Variants in CSMD1 observed in about 807,000 individuals in gnomAD.
The protein encoded by CSMD1 is CUB and sushi domain-containing protein 1.
Under a neutral mutation model 417.5 loss-of-function variants are expected in CSMD1, and 213 were observed. The observed-to-expected ratio is 0.51, with a 90% confidence interval of 0.46 to 0.57. CSMD1 has a LOEUF of 0.57. Among genes scored for constraint, CSMD1 ranks in the 20% least tolerant of loss-of-function variants. The pLI is 0.00. For missense variants in CSMD1, 6,923 were observed against 4,529.7 expected (o/e 1.53, Z -15.17); for synonymous variants, 2,862 against 1,736.8 (o/e 1.65, Z -16.11).
At chr8:3,218,367 C>T (rs1460660470) in intron 29 of CSMD1, among the ~76,000 whole-genome samples, 1 of 151,478 alleles carries the variant, frequency 6.6e-6, no homozygotes, top group African/African-American at 2.4e-5. Context: ...CGAGATCATC[C>T]TGGCTAACAC....
intron 25 of CSMD1, among the ~76,000 whole-genome samples, chr8:3,303,966 G>A (rs548494795): frequency 1.3e-4 from 17 of 131,936 alleles, no homozygotes; most frequent in African/African-American, 4.3e-4. Context: ...TAACTATTTT[G>A]GGGTATTCGA....
chr8:4,255,578 C>A (rs1803397503), intron 3 of CSMD1, among the ~76,000 whole-genome samples: 1 of 152,134 alleles, frequency 6.6e-6, no homozygotes, highest in African/African-American at 2.4e-5. Context: ...TTTTCTAAGA[C>A]ACAGAAATCT....
intron 3 of CSMD1, among the ~76,000 whole-genome samples, chr8:4,166,677 G>A (rs953623176): frequency 3.3e-5 from 5 of 152,030 alleles, no homozygotes; most frequent in African/African-American, 7.3e-5. Flanking sequence ...GGTGATGGGT[G>A]CACCAAAATC....
At chr8:4,794,651 C>G (rs1797875310) in intron 1 of CSMD1, among the ~76,000 whole-genome samples, 2 of 152,194 alleles carry the variant, frequency 1.3e-5, no homozygotes, top group Admixed American at 1.3e-4. Flanking sequence ...CCCATTGTCC[C>G]CATACCTTCT....
At chr8:3,932,213 C>G (rs920574626) in intron 5 of CSMD1, among the ~76,000 whole-genome samples, 1 of 150,412 alleles carries the variant, frequency 6.6e-6, no homozygotes, top group Non-Finnish European at 1.5e-5. Context: ...GGTCCCATAT[C>G]ATGTTACTGA....
intron 2 of CSMD1, among the ~76,000 whole-genome samples, chr8:4,518,710 A>G (rs1372287240): frequency 1.3e-5 from 2 of 152,106 alleles, no homozygotes; most frequent in Admixed American, 1.3e-4. Context: ...GCACATGTAT[A>G]CATATGTAAC....
chr8:4,784,802 C>G (rs1035358743), intron 1 of CSMD1, among the ~76,000 whole-genome samples: 5 of 152,164 alleles, frequency 3.3e-5, no homozygotes, highest in Non-Finnish European at 7.3e-5. Flanking sequence ...AAAGAAGAAT[C>G]TCAGCAAAGC....
At chr8:4,710,840 G>A (rs1258114918) in intron 1 of CSMD1, among the ~76,000 whole-genome samples, 1 of 151,338 alleles carries the variant, frequency 6.6e-6, no homozygotes, top group African/African-American at 2.4e-5. Flanking sequence ...GTAAGACTCT[G>A]TCTCAAAAAT....
At chr8:3,869,798 G>C (rs1211439955) in intron 5 of CSMD1, among the ~76,000 whole-genome samples, 1 of 152,092 alleles carries the variant, frequency 6.6e-6, no homozygotes, top group Non-Finnish European at 1.5e-5. Context: ...CAAGATGGGA[G>C]CTTGCCAGAT....
At position 3,423,223 on chromosome 8, in the gene CSMD1, A is replaced by G. The variant is rs1813608174; in HGVS notation, c.1562-13618T>C. ...TGAACAATTTAAGGAGTCTTAATTT[A>G]ATTTGACGAATTTGACTAAAGGTTA... On this transcript the variant is annotated intron_variant, in intron 12 of 69. Transcript: ENST00000635120. 2.0e-5 allele frequency among the ~76,000 whole-genome samples: 3 copies of G among 152,216 alleles called. No homozygotes were observed. The South Asian group carries it at 6.2e-4, about 32-fold the overall frequency.
chr8:4,605,900 C>A (rs563842825), intron 2 of CSMD1, among the ~76,000 whole-genome samples: 15 of 152,146 alleles, frequency 9.9e-5, no homozygotes, highest in African/African-American at 3.6e-4. Flanking sequence ...TTGGAATGTT[C>A]CCGAGATCAA....
chr8:3,688,531 G>T lies in CSMD1; in HGVS notation c.1009+19883C>A, dbSNP rs117465983. ...TGAAAAGTTACTCTTTATCACATGT[G>T]CAAAACTTAACTACAATGCATGTGC... On this transcript the variant is annotated intron_variant, in intron 7 of 69. Coordinates refer to ENST00000635120, the MANE Select transcript of CSMD1 (RefSeq NM_033225.6). Among the ~76,000 whole-genome samples the T allele has an allele frequency of 9.6e-3, 1,461 of 152,246 alleles. 13 individuals are homozygous for T. Among genetic ancestry groups the T allele is most frequent in the Non-Finnish European group, 0.017 (1,168 of 68,014 alleles).
chr8:4,632,027 A>T (rs1802546895), intron 2 of CSMD1, among the ~76,000 whole-genome samples: 1 of 152,188 alleles, frequency 6.6e-6, no homozygotes, highest in South Asian at 2.1e-4. Flanking sequence ...ATAGATGTCA[A>T]CGTCAATTGT....
intron 1 of CSMD1, among the ~76,000 whole-genome samples, chr8:4,706,998 T>C (rs1309885717): frequency 6.6e-6 from 1 of 152,176 alleles, no homozygotes; most frequent in Non-Finnish European, 1.5e-5. Context: ...TGAAGGACCT[T>C]TCTCTTGAAG....
At chr8:3,452,448 T>G (rs1046098830) in intron 12 of CSMD1, among the ~76,000 whole-genome samples, 3 of 152,308 alleles carry the variant, frequency 2.0e-5, no homozygotes, top group African/African-American at 7.2e-5. Flanking sequence ...ATATTGGCTG[T>G]GGGTTTGTCA....
intron 8 of CSMD1, among the ~76,000 whole-genome samples, chr8:3,586,870 G>A (rs1024840081): frequency 1.3e-5 from 2 of 152,164 alleles, no homozygotes; most frequent in African/African-American, 2.4e-5. Context: ...CACGACCTTG[G>A]CTCACTGCAA....
chr8:3,499,357 C>T (rs1796498148), intron 10 of CSMD1, among the ~76,000 whole-genome samples: 1 of 151,856 alleles, frequency 6.6e-6, no homozygotes, highest in Non-Finnish European at 1.5e-5. Context: ...TTGGGGTGGC[C>T]TTGTTTTGGG....
rs535384818 is a variant in CSMD1, at chr8:4,027,770, A to G, written c.610+4135T>C. The stretch of plus-strand genomic sequence containing the variant: ...TTGAGAAGGGAAATAAATAACTAAA[A>G]TAACATAGTAAAGGCAGAAATGGAA... On this transcript the variant is annotated intron_variant, in intron 4 of 69. Coordinates refer to ENST00000635120, the MANE Select transcript of CSMD1 (RefSeq NM_033225.6). Among the ~76,000 whole-genome samples the G allele has an allele frequency of 2.0e-5, 3 of 152,326 alleles. No homozygotes were observed. The South Asian group carries it at 6.2e-4, about 32-fold the overall frequency.
intron 3 of CSMD1, among the ~76,000 whole-genome samples, chr8:4,246,367 T>G (rs913860021): frequency 2.0e-5 from 3 of 152,016 alleles, no homozygotes; most frequent in African/African-American, 7.3e-5. Context: ...CTTAGAAGAG[T>G]AGTTCTTGAT....
Sources: allele counts gnomAD v4.1 joint callset (sites outside exome capture counted in the v4.1 genomes callset), GRCh38; gene constraint gnomAD v4.1.1; transcripts MANE v1.5; gene names NCBI Gene and HGNC (gene_info 2026-07-23, HGNC 2026-07-21).